The following POLA1 variants were observed in gnomAD, a reference collection of about 807,000 sequenced individuals.
POLA1 encodes the protein DNA polymerase alpha 1, catalytic subunit.
In POLA1, 15 loss-of-function variants were observed where a neutral mutation model predicts 124.0. The ratio of observed to expected loss-of-function variants is 0.12; its 90% CI spans 0.08 to 0.19. The LOEUF (loss-of-function observed/expected upper bound fraction) is 0.19, where lower values mean the gene tolerates loss of function less well. Among genes scored for constraint, POLA1 ranks in the 10% least tolerant of loss-of-function variants. The pLI is 1.00. For synonymous variants in POLA1, 408 were observed against 389.4 expected (o/e 1.05, Z -0.56); for missense variants, 886 against 1,103.4 (o/e 0.80, Z 2.79).
intron 34 of POLA1, among the ~76,000 whole-genome samples, chrX:24,863,157 T>C (rs966640928): frequency 5.4e-5 from 6 of 111,422 alleles, no homozygotes; most frequent in African/African-American, 6.5e-5. Context: ...CTGTTGAAAA[T>C]CATAGTTTAA....
At chrX:24,795,069 T>C (rs1043489288) in intron 26 of POLA1, among the ~76,000 whole-genome samples, 2 of 111,178 alleles carry the variant, frequency 1.8e-5, no homozygotes, top group African/African-American at 6.5e-5. Context: ...TTAAATTTTT[T>C]TGACTTACAT....
Position 24,733,795 on chromosome X carries a change from C to T in POLA1, c.1812C>T (p.Phe604=), listed in dbSNP as rs762467998. Residue 604 remains phenylalanine (F), a synonymous_variant, in exon 17 of 37, where the codon TTC becomes TTT. Coordinates refer to ENST00000379068, the MANE Select transcript of POLA1 (RefSeq NM_001330360.2). ...AGGACTGTATTTTTCCATATGCTTT[C>T]AAAGAAGTCATTGAGAAAAAGGTAA... ...KPKDCIFPYA[F]KEVIEKKNVK... is the part of the protein sequence containing the mutation. The T allele has an allele frequency of 1.6e-5, 18 of 1,136,437 alleles. No individual in the cohort carries two copies. Among genetic ancestry groups the T allele is most frequent in the Non-Finnish European group, 6.0e-6 (5 of 836,866 alleles). The allele number at this position is 1,136,437 out of a possible 1,213,427, so 93.7% of individuals were successfully genotyped here.
At chrX:24,832,135 G>C (rs1274124795) in intron 32 of POLA1, among the ~76,000 whole-genome samples, 1 of 78,451 alleles carries the variant, frequency 1.3e-5, no homozygotes, top group Non-Finnish European at 3.0e-5. Flanking sequence ...CACCACGGAA[G>C]AGTTTATAAA....
At chrX:24,720,593 C>T (rs1930143181) in intron 10 of POLA1, among the ~76,000 whole-genome samples, 2 of 111,773 alleles carry the variant, frequency 1.8e-5, no homozygotes, top group South Asian at 3.7e-4. Flanking sequence ...AATGGTTCCC[C>T]ACTCCCCCAC....
At chrX:24,764,645 A>C (rs749281984) in intron 26 of POLA1, among the ~76,000 whole-genome samples, 2 of 112,340 alleles carry the variant, frequency 1.8e-5, no homozygotes, top group Non-Finnish European at 3.8e-5. Context: ...AGCAACATGT[A>C]GTAGAATGCT....
chrX:24,942,050 G>T (rs1184472478), intron 36 of POLA1, among the ~76,000 whole-genome samples: 1 of 111,865 alleles, frequency 8.9e-6, no homozygotes, highest in African/African-American at 3.2e-5. Context: ...TATGTATTGG[G>T]TCTCTGTCCT....
At chrX:24,829,241 A>G (rs753672370) in intron 32 of POLA1, among the ~76,000 whole-genome samples, 4 of 111,731 alleles carry the variant, frequency 3.6e-5, no homozygotes, top group Admixed American at 9.5e-5. Context: ...CATGTAGCCA[A>G]GTCAAGCTGA....
At chrX:24,862,344 T>C (rs750350614) in intron 34 of POLA1, among the ~76,000 whole-genome samples, 3 of 111,760 alleles carry the variant, frequency 2.7e-5, no homozygotes, top group Non-Finnish European at 3.8e-5. Flanking sequence ...GTCTTGTTGA[T>C]AATTTGTTTT....
chrX:24,706,647 A>G (rs1485548406), intron 4 of POLA1, among the ~76,000 whole-genome samples: 1 of 112,305 alleles, frequency 8.9e-6, no homozygotes, highest in Non-Finnish European at 1.9e-5. Context: ...ACACAAAATA[A>G]TGTCAGAATC....
chrX:24,693,998 G>A lies in POLA1; in HGVS notation c.37G>A (p.Ala13Thr). 1.7e-6 allele frequency: 2 copies of A among 1,188,351 alleles called. No individual in the cohort carries two copies. The highest frequency in any genetic ancestry group is 1.9e-5 in the South Asian group (1 of 53,952). Reference protein sequence around the residue: ...PVHGDDCEIGASALSDSGSFV... With the variant: ...PVHGDDCEIGTSALSDSGSFV... The stretch of plus-strand genomic sequence containing the variant: ...GCACGGCGACGACTGTGAGATAGGG[G>A]CGAGTGGTGAGGGACAATTCCGCGC... The change falls in exon 1 of 37, where the codon GCG becomes ACG. Residue 13 changes from alanine to threonine, a missense_variant. Physicochemically the swap from Ala to Thr is moderately conservative, Grantham distance 58. Transcript: ENST00000379068.
intron 35 of POLA1, among the ~76,000 whole-genome samples, chrX:24,912,588 G>C (rs1045555874): frequency 2.7e-5 from 3 of 111,244 alleles, no homozygotes; most frequent in Non-Finnish European, 5.7e-5. Context: ...ATATAAGGAT[G>C]ACAAACATGT....
At chrX:24,877,168 G>A (rs1325806404) in intron 34 of POLA1, among the ~76,000 whole-genome samples, 1 of 111,847 alleles carries the variant, frequency 8.9e-6, no homozygotes, top group African/African-American at 3.2e-5. Flanking sequence ...GAGGGGGTGA[G>A]TAAGTACATC....
intron 36 of POLA1, among the ~76,000 whole-genome samples, chrX:24,974,857 G>A (rs1280775958): frequency 8.9e-6 from 1 of 112,555 alleles, no homozygotes; most frequent in South Asian, 3.7e-4. Context: ...TGAGATGGCT[G>A]TGTGAGCGTG....
chrX:24,698,870 C>G (rs1352741422), intron 1 of POLA1, among the ~76,000 whole-genome samples: 3 of 111,202 alleles, frequency 2.7e-5, no homozygotes, highest in African/African-American at 9.8e-5. Context: ...CCAGGCTGGT[C>G]TCGAACTCCT....
At chrX:24,862,513 C>T (rs1206643594) in intron 34 of POLA1, among the ~76,000 whole-genome samples, 7 of 111,508 alleles carry the variant, frequency 6.3e-5, no homozygotes, top group Non-Finnish European at 9.4e-5. Context: ...TACTGTAAAA[C>T]GGCAGTGTAA....
chrX:24,714,677 T>C lies in POLA1; in HGVS notation c.462+8T>C. On this transcript the variant is annotated splice_region_variant and intron_variant, in intron 5 of 36. Coordinates refer to ENST00000379068, the MANE Select transcript of POLA1 (RefSeq NM_001330360.2). ...GGAAAGAAAACTGCAGATGTGAGTT[T>C]CATGGTTTCCTTATTTTTTGTATTT... The C allele has an allele frequency of 9.8e-7, 1 of 1,021,070 alleles. No homozygotes were observed. The highest frequency in any genetic ancestry group is 1.4e-6 in the Non-Finnish European group (1 of 733,912). The allele number at this position is 1,021,070 out of a possible 1,213,427, so 84.1% of individuals were successfully genotyped here.
At chrX:24,763,939 A>G (rs1932844187) in intron 26 of POLA1, among the ~76,000 whole-genome samples, 1 of 111,623 alleles carries the variant, frequency 9.0e-6, no homozygotes. Context: ...AAGTGTCAGA[A>G]CTGGAATCCA....
At chrX:24,977,052 C>G (rs1460330361) in intron 36 of POLA1, among the ~76,000 whole-genome samples, 2 of 112,281 alleles carry the variant, frequency 1.8e-5, no homozygotes, top group Admixed American at 9.4e-5. Flanking sequence ...GCTGATGACC[C>G]TCGCGGCCTG....
intron 26 of POLA1, among the ~76,000 whole-genome samples, chrX:24,807,770 G>A (rs759966512): frequency 2.7e-5 from 3 of 110,556 alleles, no homozygotes; most frequent in Non-Finnish European, 5.7e-5. Flanking sequence ...AGAGGAGAGA[G>A]ACAGGTATGG....
Sources: allele counts gnomAD v4.1 joint callset (sites outside exome capture counted in the v4.1 genomes callset), GRCh38; gene constraint gnomAD v4.1.1; transcripts MANE v1.5; gene names NCBI Gene and HGNC (gene_info 2026-07-23, HGNC 2026-07-21).